MYO10: variants seen among roughly 807,000 people sequenced by gnomAD.
MYO10 encodes the protein myosin X.
A neutral mutation model predicts 257.3 loss-of-function variants in MYO10; 133 were observed. That is an observed-to-expected ratio of 0.52 (90% confidence interval 0.45 to 0.60). MYO10 has a LOEUF of 0.60. Ranked by LOEUF, MYO10 falls within the 20% of genes least tolerant of loss-of-function variation. The pLI is 0.00. For missense variants in MYO10, 2,399 were observed against 2,635.7 expected (o/e 0.91, Z 1.97); for synonymous variants, 1,104 against 1,028.6 (o/e 1.07, Z -1.40).
intron 1 of MYO10, among the ~76,000 whole-genome samples, chr5:16,914,792 T>C (rs1206772366): frequency 1.3e-5 from 2 of 152,172 alleles, no homozygotes; most frequent in African/African-American, 2.4e-5. Context: ...AGTGATAAGC[T>C]CTTGAGACAT....
chr5:16,889,180 A>T (rs1238939172), intron 1 of MYO10, among the ~76,000 whole-genome samples: 6 of 96,056 alleles, frequency 6.2e-5, no homozygotes, highest in Non-Finnish European at 1.0e-4. Flanking sequence ...CTCAAAATTT[A>T]AAAAAATTTA....
chr5:16,906,708 C>CA (rs566745257), intron 1 of MYO10, among the ~76,000 whole-genome samples: 2 of 152,142 alleles, frequency 1.3e-5, no homozygotes, highest in Non-Finnish European at 2.9e-5. Flanking sequence ...AGGACAGTCT[C>CA]AACACTTTCA....
At chr5:16,840,061 C>T (rs1009185219) in intron 2 of MYO10, among the ~76,000 whole-genome samples, 15 of 152,108 alleles carry the variant, frequency 9.9e-5, no homozygotes, top group African/African-American at 3.6e-4. Context: ...TGAGAAGGTA[C>T]AAGGTTAAGC....
At chr5:16,708,017 C>T (rs1349135908) in intron 21 of MYO10, among the ~76,000 whole-genome samples, 1 of 152,152 alleles carries the variant, frequency 6.6e-6, no homozygotes, top group East Asian at 1.9e-4. Flanking sequence ...CTTCTGGTGG[C>T]AACACACCAA....
intron 4 of MYO10, among the ~76,000 whole-genome samples, chr5:16,791,858 T>C (rs1741767728): frequency 6.6e-6 from 1 of 152,294 alleles, no homozygotes; most frequent in Non-Finnish European, 1.5e-5. Flanking sequence ...CCACAAATAG[T>C]GGTTCTAGTC....
At chr5:16,902,668 C>T in intron 1 of MYO10, 2 of 1,150,662 alleles carry the variant, frequency 1.7e-6, no homozygotes, top group South Asian at 2.4e-5. Flanking sequence ...GGAGAGAGGC[C>T]CGGCTAATTT....
intron 33 of MYO10, among the ~76,000 whole-genome samples, chr5:16,676,810 C>G (rs1001386244): frequency 6.6e-6 from 1 of 152,260 alleles, no homozygotes; most frequent in Non-Finnish European, 1.5e-5. Flanking sequence ...TTGAGACCAG[C>G]CTGGGCAACA....
intron 4 of MYO10, among the ~76,000 whole-genome samples, chr5:16,788,115 G>A (rs937991367): frequency 1.3e-5 from 2 of 152,156 alleles, no homozygotes; most frequent in South Asian, 2.1e-4. Context: ...ACTGTTGCGT[G>A]GAGAATGGAC....
At chr5:16,858,883 G>A (rs140394373) in intron 2 of MYO10, among the ~76,000 whole-genome samples, 10 of 152,224 alleles carry the variant, frequency 6.6e-5, no homozygotes, top group Admixed American at 3.3e-4. Context: ...ACTTGAACCC[G>A]GGAGGTGGAG....
intron 9 of MYO10, among the ~76,000 whole-genome samples, chr5:16,778,037 T>C (rs62369288): frequency 0.21 from 31,478 of 151,436 alleles, 3,430 homozygotes; most frequent in Middle Eastern, 0.24. Flanking sequence ...TTTTTAGCAG[T>C]GACGGGGTTT....
At chr5:16,886,454 G>A (rs1168526304) in intron 1 of MYO10, among the ~76,000 whole-genome samples, 1 of 152,188 alleles carries the variant, frequency 6.6e-6, no homozygotes, top group Non-Finnish European at 1.5e-5. Context: ...TTGTGCTTCA[G>A]AATTCCGACA....
Position 16,858,228 on chromosome 5 carries a change from G to A in MYO10, c.120+19381C>T, listed in dbSNP as rs550355106. Reference sequence around the variant, plus strand: ...TTTCACGTGTCAAAATATGCTTCTCGTGAGTTTTTCCAGACATTTAGAAAT... The same window carrying A: ...TTTCACGTGTCAAAATATGCTTCTCATGAGTTTTTCCAGACATTTAGAAAT... On this transcript the variant is annotated intron_variant, in intron 2 of 40. Transcript: ENST00000513610. Among the ~76,000 whole-genome samples the A allele has an allele frequency of 1.0e-3, 154 of 152,118 alleles. 1 individual carries two copies. The highest frequency in any genetic ancestry group is 3.5e-3 in the African/African-American group (146 of 41,470).
rs548124889 is a variant in MYO10 at position 16,755,587 on chromosome 5, T to C, written c.1849-679A>G. Among the ~76,000 whole-genome samples the C allele has an allele frequency of 5.3e-5, 8 of 152,348 alleles. No homozygotes were observed. The East Asian group carries it at 1.5e-3, about 29-fold the overall frequency. The stretch of plus-strand genomic sequence containing the variant: ...CTTCCACTGTCATTATTCTTCCCAA[T>C]TCATTAGTTCCATCGAAATGACAGT... On this transcript the variant is annotated intron_variant, in intron 18 of 40. Coordinates refer to ENST00000513610, the MANE Select transcript of MYO10 (RefSeq NM_012334.3).
chr5:16,897,841 A>T (rs1745258275), intron 1 of MYO10, among the ~76,000 whole-genome samples: 1 of 152,246 alleles, frequency 6.6e-6, no homozygotes, highest in African/African-American at 2.4e-5. Flanking sequence ...TAGAAAAAGT[A>T]GCAACAGCAA....
chr5:16,897,805 GGTTT>G (rs901264550), intron 1 of MYO10, among the ~76,000 whole-genome samples: 4 of 152,192 alleles, frequency 2.6e-5, no homozygotes, highest in African/African-American at 9.7e-5. Context: ...CCCTCCAAGA[GGTTT>G]GTTTAAAATG....
chr5:16,707,894 T>C (rs1467681960), intron 21 of MYO10, among the ~76,000 whole-genome samples: 3 of 152,212 alleles, frequency 2.0e-5, no homozygotes, highest in Admixed American at 6.5e-5. Flanking sequence ...CCTGGAGCCA[T>C]GTCTAATTCG....
chr5:16,817,451 A>G (rs1282280263), intron 3 of MYO10, among the ~76,000 whole-genome samples: 1 of 152,212 alleles, frequency 6.6e-6, no homozygotes, highest in African/African-American at 2.4e-5. Context: ...GTCACATTTC[A>G]TAGAAGTTGA....
chr5:16,826,743 G>A (rs1179074025), intron 2 of MYO10, among the ~76,000 whole-genome samples: 1 of 152,074 alleles, frequency 6.6e-6, no homozygotes, highest in African/African-American at 2.4e-5. Flanking sequence ...ATTTTTCCTG[G>A]AATTCCACGT....
intron 1 of MYO10, among the ~76,000 whole-genome samples, chr5:16,886,137 G>A (rs77753133): frequency 2.0e-5 from 3 of 152,232 alleles, no homozygotes; most frequent in African/African-American, 7.2e-5. Context: ...TGTAGGCCCT[G>A]AAAGGAACAC....
Sources: gnomAD v4.1 joint callset for allele counts (sites outside exome capture counted in the v4.1 genomes callset) on GRCh38, gnomAD v4.1.1 for gene constraint, MANE v1.5 for transcripts, NCBI Gene and HGNC (gene_info 2026-07-23, HGNC 2026-07-21) for gene names.